Variants in NDUFAF7 observed in about 807,000 individuals in gnomAD.
NDUFAF7 encodes protein arginine methyltransferase NDUFAF7, mitochondrial.
NDUFAF7 carries 48 observed loss-of-function variants against 47.2 expected under a neutral mutation model. The observed-to-expected ratio is 1.02, with a 90% CI of 0.81 to 1.29. The LOEUF is 1.29. Ranked by LOEUF, NDUFAF7 falls within the 50% of genes most tolerant of loss-of-function variation. The probability of loss-of-function intolerance (pLI) is 0.00; values close to 1 mark genes in which losing one functional copy is unlikely to be tolerated. For missense variants in NDUFAF7, 635 were observed against 537.6 expected (o/e 1.18, Z -1.79); for synonymous variants, 217 against 190.0 (o/e 1.14, Z -1.17).
chr2:37,264,953 T>A, the NDUFAF7 span, among the ~76,000 whole-genome samples: 1 of 152,184 alleles, frequency 6.6e-6, no homozygotes, highest in East Asian at 1.9e-4. Context: ...AAATCAGTGA[T>A]CCTGTGATTT....
intron 3 of NDUFAF7, among the ~76,000 whole-genome samples, chr2:37,237,237 T>C (rs1665892167): frequency 6.6e-6 from 1 of 152,254 alleles, no homozygotes; most frequent in Admixed American, 6.5e-5. Context: ...CCCAAAGTGC[T>C]GGGATTATAG....
chr2:37,254,055 G>T (rs1247599993), downstream of NDUFAF7: 1 of 626,536 alleles, frequency 1.6e-6, no homozygotes, highest in Non-Finnish European at 2.8e-6. Context: ...AATGCTGTAT[G>T]GTTTCCAGAG....
chr2:37,247,426 G>C, intron 8 of NDUFAF7, 30 bp from the exon 9 acceptor site: 1 of 1,613,094 alleles, frequency 6.2e-7, no homozygotes, highest in Non-Finnish European at 8.5e-7. Flanking sequence ...AACCATAAAA[G>C]GGCAAAAATC....
rs1455978939 is a variant in NDUFAF7 at position 37,237,925 on chromosome 2, T to C, written c.408+58T>C. The stretch of plus-strand genomic sequence containing the variant: ...ATAAGTGAATTTTAGTACTTCTGAG[T>C]GTGCAAACCATGTTGATTTCATTGG... On this transcript the variant is annotated intron_variant, in intron 4 of 9. Coordinates refer to ENST00000002125, the MANE Select transcript of NDUFAF7 (RefSeq NM_144736.5). 12 of 1,182,162 alleles carry C rather than the reference T, an allele frequency of 1.0e-5. No homozygotes were observed. In the South Asian group the frequency reaches 1.1e-4, roughly 11 times the overall value. The allele number at this position is 1,182,162 out of a possible 1,614,324, so 73.2% of individuals were successfully genotyped here. A position where few individuals can be genotyped will look rare whatever the true frequency, so the allele number is the denominator to read the frequency against.
At position 37,248,298 on chromosome 2, in the gene NDUFAF7, C is replaced by A; in HGVS notation, c.1274C>A (p.Ser425Ter). 1.2e-6 allele frequency: 2 copies of A among 1,614,124 alleles called. No homozygotes were observed. The highest frequency in any genetic ancestry group is 1.7e-6 in the Non-Finnish European group (2 of 1,180,000). ...GGRYQRNARQ[S>*]KPFASVVAGF... Reference sequence around the variant, plus strand: ...AGATATCAGAGGAATGCACGTCAGTCAAAACCCTTTGCATCCGTTGTAGCT... The same window carrying A: ...AGATATCAGAGGAATGCACGTCAGTAAAAACCCTTTGCATCCGTTGTAGCT... Residue 425 changes from serine to a stop codon, truncating the protein, a stop_gained, in exon 10 of 10, where the codon TCA becomes TAA. Coordinates refer to ENST00000002125, the MANE Select transcript of NDUFAF7 (RefSeq NM_144736.5). LOFTEE classifies it high-confidence loss of function.
chr2:37,248,539 G>T lies in NDUFAF7; in HGVS notation c.*189G>T, dbSNP rs964976945. On this transcript the variant is annotated 3_prime_UTR_variant, in exon 10 of 10. Coordinates refer to ENST00000002125, the MANE Select transcript of NDUFAF7 (RefSeq NM_144736.5). ...TTGTGACTGGCTTTGGTGCAAATGT[G>T]TGCTCAAGCTAATAAGTTATTGTGA... 7.9e-6 allele frequency: 5 copies of T among 631,602 alleles called. No individual in the cohort carries two copies. In the African/African-American group the frequency reaches 9.1e-5, roughly 12 times the overall value. 39.1% of individuals were successfully genotyped at this position (631,602 alleles called of 1,614,324 possible). A position where few individuals can be genotyped will look rare whatever the true frequency, so the allele number is the denominator to read the frequency against.
chr2:37,247,243 G>A lies in NDUFAF7; in HGVS notation c.937-213G>A, dbSNP rs78879417. The A allele has an allele frequency of 0.096, 57,950 of 603,166 alleles. 4,858 individuals carry two copies. The highest frequency in any genetic ancestry group is 0.35 in the East Asian group (11,745 of 33,682). The allele number at this position is 603,166 out of a possible 1,614,324, so 37.4% of individuals were successfully genotyped here. On this transcript the variant is annotated intron_variant, in intron 8 of 9. Transcript: ENST00000002125. ...TTTCATTTTTTTTTATGGCTGTGTA[G>A]TAGTTTGTAGTGTATCTCAGGTGAT...
chr2:37,248,552 T>C lies in NDUFAF7; in HGVS notation c.*202T>C. 1.7e-6 allele frequency: 1 copy of C among 595,260 alleles called. No homozygotes were observed. Among genetic ancestry groups the C allele is most frequent in the Non-Finnish European group, 3.0e-6 (1 of 335,060 alleles). 36.9% of individuals were successfully genotyped at this position (595,260 alleles called of 1,614,324 possible). A position where few individuals can be genotyped will look rare whatever the true frequency, so the allele number is the denominator to read the frequency against. On this transcript the variant is annotated 3_prime_UTR_variant, in exon 10 of 10. Coordinates refer to ENST00000002125, the MANE Select transcript of NDUFAF7 (RefSeq NM_144736.5). ...TGGTGCAAATGTGTGCTCAAGCTAA[T>C]AAGTTATTGTGAAACTGAGTTTCCT...
downstream of NDUFAF7, among the ~76,000 whole-genome samples, chr2:37,254,888 G>A (rs964842699): frequency 1.7e-4 from 26 of 152,114 alleles, no homozygotes; most frequent in African/African-American, 6.3e-4. Flanking sequence ...TAGTGTACAT[G>A]GTGAGTTCTT....
At position 37,246,079 on chromosome 2, in the gene NDUFAF7, G is replaced by T. The variant is rs145295445; in HGVS notation, c.820G>T (p.Val274Leu). The part of the protein sequence containing the change: ...QHDETRDHVE[V>L]CPDAGVIIEE... ...TGACGAAACAAGGGATCATGTTGAA[G>T]TGTGTCCTGATGCTGGTGTTATCAT... The change falls in exon 8 of 10, where the codon GTG (valine) becomes TTG (leucine). Residue 274 changes from valine (V) to leucine (L), a missense_variant. Transcript: ENST00000002125. The T allele has an allele frequency of 6.2e-7, 1 of 1,613,932 alleles. No individual in the cohort carries two copies. Among genetic ancestry groups the T allele is most frequent in the Non-Finnish European group, 8.5e-7 (1 of 1,179,868 alleles).
At chr2:37,251,135 T>C (rs574067334), downstream of NDUFAF7, 1 of 152,742 alleles carries the variant, frequency 6.5e-6, no homozygotes, top group Non-Finnish European at 1.5e-5. Flanking sequence ...TGTGTGTTGA[T>C]ATAAACAGAC....
At chr2:37,261,448 T>C in the NDUFAF7 span, among the ~76,000 whole-genome samples, 2 of 149,754 alleles carry the variant, frequency 1.3e-5, no homozygotes, top group African/African-American at 5.0e-5. Flanking sequence ...GATCATGCCA[T>C]TGCACTCCAG....
rs1666315293 is a variant in NDUFAF7 at position 37,241,380 on chromosome 2, T to A, written c.409-198T>A. On this transcript the variant is annotated intron_variant, in intron 4 of 9. Transcript: ENST00000002125. ...CATTAGGAAACCAAATTGTGCATTG[T>A]TCATTTCTTATTTAGATTATGCTTA... Among the ~76,000 whole-genome samples, 3 of 152,164 alleles carry A rather than the reference T, an allele frequency of 2.0e-5. No individual in the cohort carries two copies. In the South Asian group the frequency reaches 6.2e-4, roughly 32 times the overall value.
At chr2:37,232,364 G>T (rs1236104656) in intron 2 of NDUFAF7, 98 bp downstream of exon 2, 1 of 1,492,028 alleles carries the variant, frequency 6.7e-7, no homozygotes, top group African/African-American at 1.4e-5. Flanking sequence ...CCAGGCAGTG[G>T]GGGTGCCTGC....
chr2:37,246,579 A>T (rs2148439867), intron 8 of NDUFAF7, among the ~76,000 whole-genome samples: 1 of 152,306 alleles, frequency 6.6e-6, no homozygotes, highest in East Asian at 1.9e-4. Context: ...TAATCATTCT[A>T]GCTTTTTCTA....
chr2:37,254,180 A>AAG (rs771650245), downstream of NDUFAF7: 1 of 1,557,732 alleles, frequency 6.4e-7, no homozygotes, highest in Non-Finnish European at 8.9e-7. Context: ...AGGATTGCCA[A>AAG]AGAGAGATTA....
At chr2:37,254,180 AAG>A (rs771650245), downstream of NDUFAF7, 37 of 1,557,614 alleles carry the variant, frequency 2.4e-5, no homozygotes, top group Non-Finnish European at 3.1e-5. Context: ...AGGATTGCCA[AAG>A]AGAGATTACA....
At chr2:37,247,346 A>G in intron 8 of NDUFAF7, 110 bp from the exon 9 acceptor site, 1 of 1,315,002 alleles carries the variant, frequency 7.6e-7, no homozygotes, top group Non-Finnish European at 1.1e-6. Flanking sequence ...TGAGAGCTCT[A>G]TTCCGTCACC....
chr2:37,268,304 G>A, the NDUFAF7 span: 3 of 470,740 alleles, frequency 6.4e-6, no homozygotes, highest in African/African-American at 2.0e-5. Context: ...AAGGTACCTC[G>A]GACAGTTCTT....
Sources: gnomAD v4.1 joint callset for allele counts (sites outside exome capture counted in the v4.1 genomes callset) on GRCh38, gnomAD v4.1.1 for gene constraint, MANE v1.5 for transcripts, NCBI Gene and HGNC (gene_info 2026-07-23, HGNC 2026-07-21) for gene names.